Variants in FBXL13 observed in about 807,000 individuals in gnomAD.
FBXL13 encodes F-box and leucine-rich repeat protein 13.
Under a neutral mutation model 83.6 loss-of-function variants are expected in FBXL13, and 67 were observed. The observed-to-expected ratio is 0.80, with a 90% CI of 0.66 to 0.98. The LOEUF is 0.98. Ranked by LOEUF, FBXL13 falls within the 50% of genes least tolerant of loss-of-function variation. The pLI is 0.00. For missense variants in FBXL13, 822 were observed against 866.5 expected, an observed-to-expected ratio of 0.95 and a Z score of 0.64; for synonymous variants, 272 against 299.5, an observed-to-expected ratio of 0.91 and a Z score of 0.95.
intron 6 of FBXL13, among the ~76,000 whole-genome samples, chr7:102,983,392 T>C (rs569916190): frequency 6.0e-5 from 9 of 151,164 alleles, no homozygotes; most frequent in East Asian, 1.9e-4. Context: ...TTCCAACTTA[T>C]AGAAACCCAT....
At chr7:102,909,986 C>T (rs1004960230) in intron 11 of FBXL13, among the ~76,000 whole-genome samples, 4 of 152,272 alleles carry the variant, frequency 2.6e-5, no homozygotes, top group East Asian at 1.9e-4. Context: ...GTCCTTATGG[C>T]CTAGACTGCC....
chr7:103,063,712 C>CTTTTTTTTTTTTTTTTTTTT lies in FBXL13; in HGVS notation c.-104-7985_-104-7966dup, dbSNP rs34739663. 3.9e-5 allele frequency among the ~76,000 whole-genome samples: 4 copies of CTTTTTTTTTTTTTTTTTTTT among 101,692 alleles called. 1 individual carries two copies. Among genetic ancestry groups the CTTTTTTTTTTTTTTTTTTTT allele is most frequent in the Non-Finnish European group, 3.8e-5 (2 of 52,818 alleles). 66.7% of individuals were successfully genotyped at this position (101,692 alleles called of 152,430 possible). On this transcript the variant is annotated intron_variant, in intron 1 of 19. Transcript: ENST00000313221. ...GGTGAAGCCTAGAATCAAACTTAGGCTTTTTTTTTTTTTTTTTTTTTCTGT... is the reference window on the plus strand; with the variant it reads ...GGTGAAGCCTAGAATCAAACTTAGGCTTTTTTTTTTTTTTTTTTTTTTTTTTTTTTTTTTTTTTTTTCTGT...
At chr7:102,816,833 C>T (rs1212513177) in intron 19 of FBXL13, among the ~76,000 whole-genome samples, 1 of 152,192 alleles carries the variant, frequency 6.6e-6, no homozygotes, top group African/African-American at 2.4e-5. Context: ...TGGTTAGCTC[C>T]TACTTTTAAG....
chr7:102,997,331 G>A (rs1421060296), intron 6 of FBXL13, among the ~76,000 whole-genome samples: 2 of 152,120 alleles, frequency 1.3e-5, no homozygotes, highest in African/African-American at 4.8e-5. Flanking sequence ...GAGGGTACAC[G>A]TGATATTTTA....
chr7:102,868,908 TC>T (rs1808135425), intron 16 of FBXL13, among the ~76,000 whole-genome samples: 1 of 152,254 alleles, frequency 6.6e-6, no homozygotes. Context: ...CCTCAAGTGA[TC>T]CGCCTGCCTT....
In FBXL13 at chr7:102,915,122, A is replaced by ATTT. The variant is rs386410852; in HGVS notation, c.879-1910_879-1908dup. On this transcript the variant is annotated intron_variant, in intron 10 of 19. Transcript: ENST00000313221. ...TCATTTGTTAAGTGGAGATTAAAAT[A>ATTT]TTTTTTTTTTTTTTTTTTTTACACT... Among the ~76,000 whole-genome samples, 1,113 of 128,070 alleles carry ATTT rather than the reference A, an allele frequency of 8.7e-3. 16 individuals are homozygous for ATTT. The highest frequency in any genetic ancestry group is 0.028 in the African/African-American group (956 of 34,566). The allele number at this position is 128,070 out of a possible 152,430, so 84.0% of individuals were successfully genotyped here. A position where few individuals can be genotyped will look rare whatever the true frequency, so the allele number is the denominator to read the frequency against.
At chr7:102,834,138 G>GAAAAA (rs72255394) in intron 17 of FBXL13, among the ~76,000 whole-genome samples, 7 of 123,930 alleles carry the variant, frequency 5.6e-5, no homozygotes, top group African/African-American at 2.0e-4. Flanking sequence ...AAGAAAGAAA[G>GAAAAA]AAAAGAGAAG....
At chr7:102,992,589 A>G (rs1249197858) in intron 6 of FBXL13, among the ~76,000 whole-genome samples, 1 of 152,184 alleles carries the variant, frequency 6.6e-6, no homozygotes, top group Non-Finnish European at 1.5e-5. Context: ...CTTTAGATCA[A>G]AATCACTTGT....
intron 8 of FBXL13, among the ~76,000 whole-genome samples, chr7:102,959,318 A>G (rs2129478401): frequency 6.6e-6 from 1 of 152,016 alleles, no homozygotes; most frequent in Non-Finnish European, 1.5e-5. Flanking sequence ...CTTCTTCCCC[A>G]TTCCATTAAA....
chr7:102,976,502 C>A (rs537282008), intron 6 of FBXL13, among the ~76,000 whole-genome samples: 4 of 152,196 alleles, frequency 2.6e-5, no homozygotes, highest in African/African-American at 9.7e-5. Flanking sequence ...TAATACCCAA[C>A]GCATCAACCC....
At chr7:102,995,952 A>C (rs1245569340) in intron 6 of FBXL13, among the ~76,000 whole-genome samples, 3 of 152,166 alleles carry the variant, frequency 2.0e-5, no homozygotes, top group Admixed American at 6.5e-5. Flanking sequence ...TGGTTTTCCC[A>C]AAGTGAACCT....
At chr7:102,842,939 T>G (rs746100163) in intron 17 of FBXL13, among the ~76,000 whole-genome samples, 1 of 152,236 alleles carries the variant, frequency 6.6e-6, no homozygotes, top group Non-Finnish European at 1.5e-5. Flanking sequence ...TGCTCTGTTG[T>G]TCTCCCAACT....
Position 102,826,724 on chromosome 7 carries a change from C to CATAT in FBXL13, c.1855-4525_1855-4522dup, listed in dbSNP as rs58307950. ...TGGGAGACAGAGTGAGACCCTGTCT[C>CATAT]ATATATATATATATATATATATATA... On this transcript the variant is annotated intron_variant, in intron 18 of 19. Coordinates refer to ENST00000313221, the Ensembl canonical transcript of FBXL13. 9.1e-3 allele frequency among the ~76,000 whole-genome samples: 566 copies of CATAT among 62,312 alleles called. 10 individuals are homozygous for CATAT. Among genetic ancestry groups the CATAT allele is most frequent in the Non-Finnish European group, 0.013 (349 of 26,072 alleles). The allele number at this position is 62,312 out of a possible 152,430, so 40.9% of individuals were successfully genotyped here.
intron 11 of FBXL13, among the ~76,000 whole-genome samples, chr7:102,900,704 G>A (rs996148622): frequency 1.3e-5 from 2 of 152,096 alleles, no homozygotes; most frequent in African/African-American, 4.8e-5. Flanking sequence ...TGTGCTTCAC[G>A]ACGAACCCAT....
chr7:102,990,088 G>C (rs1829402191), intron 6 of FBXL13, among the ~76,000 whole-genome samples: 1 of 152,166 alleles, frequency 6.6e-6, no homozygotes, highest in Admixed American at 6.6e-5. Context: ...CCAAATAATA[G>C]GTAAATTGGA....
chr7:102,981,736 C>A (rs936511266), intron 6 of FBXL13, among the ~76,000 whole-genome samples: 1 of 152,140 alleles, frequency 6.6e-6, no homozygotes, highest in Non-Finnish European at 1.5e-5. Context: ...TCTGGGATCC[C>A]TTTTATAAGG....
intron 16 of FBXL13, among the ~76,000 whole-genome samples, chr7:102,873,815 T>C (rs1188456323): frequency 6.6e-6 from 1 of 152,212 alleles, no homozygotes; most frequent in Admixed American, 6.5e-5. Flanking sequence ...TAAACCTCCA[T>C]GCCTTTGTGC....
intron 16 of FBXL13, among the ~76,000 whole-genome samples, chr7:102,859,960 C>T (rs758248232): frequency 2.0e-5 from 3 of 152,148 alleles, no homozygotes; most frequent in Non-Finnish European, 2.9e-5. Context: ...GCACTTTGCT[C>T]CTCCATTGCT....
intron 16 of FBXL13, among the ~76,000 whole-genome samples, chr7:102,863,199 A>G (rs1174696841): frequency 3.9e-5 from 6 of 152,218 alleles, no homozygotes. Context: ...TGATTTAAAT[A>G]CAATGGCTCC....
Sources: allele counts gnomAD v4.1 joint callset (sites outside exome capture counted in the v4.1 genomes callset), GRCh38; gene constraint gnomAD v4.1.1; transcripts MANE v1.5; gene names NCBI Gene and HGNC (gene_info 2026-07-23, HGNC 2026-07-21).